Variants in PAQR5 observed in about 807,000 individuals in gnomAD.
PAQR5 encodes the protein progestin and adipoQ receptor family member 5.
Under a neutral mutation model 34.5 loss-of-function variants are expected in PAQR5, and 20 were observed. The ratio of observed to expected loss-of-function variants is 0.58; its 90% CI spans 0.41 to 0.84. The LOEUF (loss-of-function observed/expected upper bound fraction) is 0.84. Ranked by LOEUF, PAQR5 falls within the 40% of genes least tolerant of loss-of-function variation. The pLI is 0.00. For synonymous variants in PAQR5, 131 were observed against 155.6 expected, an observed-to-expected ratio of 0.84 and a Z score of 1.18; for missense variants, 378 against 412.7, an observed-to-expected ratio of 0.92 and a Z score of 0.73.
intron 1 of PAQR5, among the ~76,000 whole-genome samples, chr15:69,334,612 C>T (rs1031140645): frequency 9.2e-5 from 14 of 152,126 alleles, no homozygotes; most frequent in Admixed American, 7.9e-4. Context: ...TAATTAAAAT[C>T]GCTTACTTAC....
intron 3 of PAQR5, among the ~76,000 whole-genome samples, chr15:69,362,225 T>G (rs1485060306): frequency 6.6e-6 from 1 of 152,162 alleles, no homozygotes; most frequent in African/African-American, 2.4e-5. Flanking sequence ...AGTTAGAGGA[T>G]GATGATATCT....
intron 6 of PAQR5, chr15:69,391,490 A>G: frequency 3.4e-6 from 1 of 294,776 alleles, no homozygotes. Flanking sequence ...GAAGGGAGGT[A>G]TAACAGATAT....
At chr15:69,339,763 G>A (rs775991770) in intron 2 of PAQR5, among the ~76,000 whole-genome samples, 15 of 151,958 alleles carry the variant, frequency 9.9e-5, no homozygotes, top group Non-Finnish European at 1.8e-4. Context: ...ATGAGCCATT[G>A]AGCCCGGCCC....
rs567449066 is a variant in PAQR5, at chr15:69,386,218, A to G, written c.385+1336A>G. Among the ~76,000 whole-genome samples, 100 of 150,420 alleles carry G rather than the reference A, an allele frequency of 6.6e-4. 2 individuals are homozygous for G. Among genetic ancestry groups the G allele is most frequent in the South Asian group, 6.5e-3 (31 of 4,752 alleles). On this transcript the variant is annotated intron_variant, in intron 5 of 8. Coordinates refer to ENST00000395407, the MANE Select transcript of PAQR5 (RefSeq NM_017705.4). ...ACACTACACACACATTCACACACTC[A>G]CACTCTCACATACATCACACACACA...
intron 5 of PAQR5, among the ~76,000 whole-genome samples, chr15:69,389,038 T>C (rs2056186520): frequency 6.6e-6 from 1 of 152,244 alleles, no homozygotes; most frequent in Admixed American, 6.5e-5. Context: ...TTTCACAAAC[T>C]TCAAAACCTA....
intron 1 of PAQR5, among the ~76,000 whole-genome samples, chr15:69,322,660 A>T (rs1179709083): frequency 7.4e-6 from 1 of 134,724 alleles, no homozygotes; most frequent in East Asian, 2.3e-4. Flanking sequence ...GTCTCAAAAA[A>T]AAAAAAAAAA....
chr15:69,322,076 A>T (rs2054109480), intron 1 of PAQR5, among the ~76,000 whole-genome samples: 1 of 139,878 alleles, frequency 7.1e-6, no homozygotes, highest in African/African-American at 2.9e-5. Flanking sequence ...CTGGTGGCTT[A>T]TGCCTGTAAT....
intron 1 of PAQR5, among the ~76,000 whole-genome samples, chr15:69,316,932 G>A (rs928870853): frequency 1.3e-5 from 2 of 152,168 alleles, no homozygotes; most frequent in Non-Finnish European, 2.9e-5. Flanking sequence ...CAATTCTCCT[G>A]CCTCAGTCTG....
chr15:69,349,020 A>C (rs974995179), intron 2 of PAQR5, among the ~76,000 whole-genome samples: 9 of 152,174 alleles, frequency 5.9e-5, no homozygotes, highest in African/African-American at 1.9e-4. Flanking sequence ...TGTGGGGAGC[A>C]CTCTACCTTG....
intron 2 of PAQR5, 53 bp from the exon 3 acceptor site, chr15:69,359,913 C>T: frequency 1.6e-6 from 1 of 608,540 alleles, no homozygotes; most frequent in South Asian, 1.9e-5. Flanking sequence ...TGTCCTGACC[C>T]AGCTGGAGTT....
At chr15:69,396,116 A>C (rs1315143930) in intron 6 of PAQR5, among the ~76,000 whole-genome samples, 1 of 151,188 alleles carries the variant, frequency 6.6e-6, no homozygotes, top group Non-Finnish European at 1.5e-5. Context: ...CTGCCTGAGG[A>C]GGGTTCCCTA....
rs56151928 is a variant in PAQR5, at chr15:69,300,937, C to CTT, written c.-277+1882_-277+1883insTT. Among the ~76,000 whole-genome samples, 50 of 5,186 alleles carry CTT rather than the reference C, an allele frequency of 9.6e-3. 16 individuals carry two copies. The highest frequency in any genetic ancestry group is 0.013 in the African/African-American group (44 of 3,394). The allele number at this position is 5,186 out of a possible 152,430, so 3.4% of individuals were successfully genotyped here. A position where few individuals can be genotyped will look rare whatever the true frequency, so the allele number is the denominator to read the frequency against. On this transcript the variant is annotated intron_variant, in intron 1 of 8. Coordinates refer to ENST00000395407, the MANE Select transcript of PAQR5 (RefSeq NM_017705.4). Reference sequence around the variant, plus strand: ...CCTTTCTCTCTCTCTCTCTCTCTCTCTCTTTCTTTCCTTCTTTCTTTCTTT... The same window carrying CTT: ...CCTTTCTCTCTCTCTCTCTCTCTCTCTTTCTTTCTTTCCTTCTTTCTTTCTTT...
chr15:69,398,710 G>A (rs950946396), intron 7 of PAQR5, among the ~76,000 whole-genome samples: 3 of 152,216 alleles, frequency 2.0e-5, no homozygotes, highest in Admixed American at 6.5e-5. Flanking sequence ...CCTCAAGGGC[G>A]CAGACCACAC....
At chr15:69,321,870 C>T (rs1354921291) in intron 1 of PAQR5, among the ~76,000 whole-genome samples, 2 of 152,088 alleles carry the variant, frequency 1.3e-5, no homozygotes, top group Non-Finnish European at 2.9e-5. Context: ...ACAGCAATGA[C>T]CAAGACAAGC....
At chr15:69,384,414 C>T (rs78847739) in intron 4 of PAQR5, among the ~76,000 whole-genome samples, 101 of 68,654 alleles carry the variant, frequency 1.5e-3, no homozygotes, top group Non-Finnish European at 1.7e-3. Flanking sequence ...GGTGAGCGGG[C>T]CCTCCGTGTT....
At chr15:69,339,356 T>C (rs1433074343) in intron 2 of PAQR5, among the ~76,000 whole-genome samples, 1 of 152,178 alleles carries the variant, frequency 6.6e-6, no homozygotes, top group African/African-American at 2.4e-5. Context: ...GGTGAACCCC[T>C]TGGGCAGTTA....
At chr15:69,324,343 T>G (rs1364707154) in intron 1 of PAQR5, among the ~76,000 whole-genome samples, 1 of 152,138 alleles carries the variant, frequency 6.6e-6, no homozygotes, top group Non-Finnish European at 1.5e-5. Context: ...GAGAGAGCAT[T>G]AATGCAGACC....
chr15:69,346,468 G>A (rs2054775374), intron 2 of PAQR5, among the ~76,000 whole-genome samples: 1 of 151,790 alleles, frequency 6.6e-6, no homozygotes, highest in African/African-American at 2.4e-5. Context: ...ACCGTGCCCA[G>A]TTAATATTTT....
At chr15:69,338,034 AC>A (rs1208295475) in intron 2 of PAQR5, among the ~76,000 whole-genome samples, 2 of 152,128 alleles carry the variant, frequency 1.3e-5, no homozygotes, top group Non-Finnish European at 2.9e-5. Context: ...CTGAGATTAC[AC>A]CACTGCACTC....
Sources: allele counts gnomAD v4.1 joint callset (sites outside exome capture counted in the v4.1 genomes callset), GRCh38; gene constraint gnomAD v4.1.1; transcripts MANE v1.5; gene names NCBI Gene and HGNC (gene_info 2026-07-23, HGNC 2026-07-21).